The following MLIP variants were observed in gnomAD, a reference collection of about 807,000 sequenced individuals.
MLIP encodes the protein muscular LMNA interacting protein.
Under a neutral mutation model 84.8 loss-of-function variants are expected in MLIP, and 79 were observed. The ratio of observed to expected loss-of-function variants is 0.93; its 90% CI spans 0.78 to 1.12. The LOEUF (loss-of-function observed/expected upper bound fraction) is 1.12. MLIP is among the 50% of genes most tolerant of loss of function. The pLI is 0.00. For missense variants in MLIP, 1,257 were observed against 1,160.6 expected (o/e 1.08, Z -1.21); for synonymous variants, 504 against 463.0 (o/e 1.09, Z -1.14).
chr6:54,035,240 T>G (rs1268884519), intron 1 of MLIP, among the ~76,000 whole-genome samples: 2 of 152,238 alleles, frequency 1.3e-5, no homozygotes, highest in Admixed American at 1.3e-4. Flanking sequence ...CATTTTTGGC[T>G]TTTTTTGACT....
intron 4 of MLIP, among the ~76,000 whole-genome samples, chr6:54,143,769 T>C (rs2082777992): frequency 6.6e-6 from 1 of 152,194 alleles, no homozygotes; most frequent in African/African-American, 2.4e-5. Context: ...TGAATCTTAT[T>C]GTAATTTTCA....
intron 5 of MLIP, among the ~76,000 whole-genome samples, chr6:54,149,692 A>G (rs555142703): frequency 6.6e-6 from 1 of 152,150 alleles, no homozygotes; most frequent in Admixed American, 6.6e-5. Context: ...TACTTTCATG[A>G]ACAGAAGGGA....
intron 1 of MLIP, among the ~76,000 whole-genome samples, chr6:54,093,641 G>A (rs1339892138): frequency 6.6e-6 from 1 of 152,086 alleles, no homozygotes; most frequent in African/African-American, 2.4e-5. Flanking sequence ...ATGATTTATG[G>A]CTAGTCCAGA....
chr6:54,251,471 TCTCTCC>T, intron 12 of MLIP, among the ~76,000 whole-genome samples: 1 of 130,608 alleles, frequency 7.7e-6, no homozygotes, highest in Admixed American at 8.1e-5. Context: ...TATATATCTG[TCTCTCC>T]ATATGAGACA....
chr6:54,100,648 C>T (rs1768575789), intron 1 of MLIP, among the ~76,000 whole-genome samples: 1 of 152,018 alleles, frequency 6.6e-6, no homozygotes, highest in Admixed American at 6.6e-5. Context: ...TCTACTATTC[C>T]TTTATACTTG....
Position 54,216,201 on chromosome 6 carries a change from A to G in MLIP, c.2718+13968A>G, listed in dbSNP as rs556872539. On this transcript the variant is annotated intron_variant, in intron 11 of 13. Transcript: ENST00000502396. ...TATCATTTCCTTTAGAATCACTTCA[A>G]TTTTGGAAGAAAGAGGTTGATTTCC... The G allele has an allele frequency of 1.1e-5, 11 of 985,326 alleles. No individual in the cohort carries two copies. In the South Asian group the frequency reaches 5.2e-4, roughly 46 times the overall value. The allele number at this position is 985,326 out of a possible 1,614,324, so 61.0% of individuals were successfully genotyped here. A position where few individuals can be genotyped will look rare whatever the true frequency, so the allele number is the denominator to read the frequency against.
intron 13 of MLIP, among the ~76,000 whole-genome samples, chr6:54,259,136 A>G (rs980110982): frequency 1.3e-5 from 2 of 151,600 alleles, no homozygotes; most frequent in African/African-American, 4.8e-5. Flanking sequence ...TTGTTTTTGC[A>G]TTATCTTATG....
intron 1 of MLIP, among the ~76,000 whole-genome samples, chr6:54,061,138 C>T (rs1765943138): frequency 6.6e-6 from 1 of 152,066 alleles, no homozygotes; most frequent in South Asian, 2.1e-4. Context: ...CAGTAACCAA[C>T]AATTTGTTAA....
chr6:54,252,582 A>T (rs1782714975), intron 12 of MLIP, among the ~76,000 whole-genome samples: 2 of 148,648 alleles, frequency 1.3e-5, no homozygotes, highest in Non-Finnish European at 3.0e-5. Context: ...TATGTATATA[A>T]TCATGATTAT....
intron 1 of MLIP, among the ~76,000 whole-genome samples, chr6:54,030,436 G>T (rs1365381776): frequency 6.6e-6 from 1 of 152,154 alleles, no homozygotes. Flanking sequence ...TTTGTAGGAG[G>T]TAAAGAATAT....
intron 13 of MLIP, among the ~76,000 whole-genome samples, chr6:54,263,584 T>C (rs1439161262): frequency 6.6e-6 from 1 of 152,080 alleles, no homozygotes; most frequent in East Asian, 1.9e-4. Flanking sequence ...GTAAAGAATA[T>C]GCATATTTGA....
intron 5 of MLIP, among the ~76,000 whole-genome samples, chr6:54,157,382 T>C (rs1404585253): frequency 6.6e-6 from 1 of 152,096 alleles, no homozygotes; most frequent in Non-Finnish European, 1.5e-5. Flanking sequence ...GCAGATAAGG[T>C]CCTCTAGCCA....
chr6:54,089,092 G>A (rs1767689426), intron 1 of MLIP, among the ~76,000 whole-genome samples: 1 of 152,082 alleles, frequency 6.6e-6, no homozygotes, highest in Non-Finnish European at 1.5e-5. Context: ...TACAACATTA[G>A]CCTCTTTCTT....
chr6:54,247,756 C>G (rs1443822881), intron 12 of MLIP, among the ~76,000 whole-genome samples: 3 of 152,178 alleles, frequency 2.0e-5, no homozygotes, highest in Admixed American at 2.0e-4. Context: ...GCCTGCCAAC[C>G]AACCACATAC....
At chr6:54,183,554 A>G (rs1777094062) in intron 9 of MLIP, among the ~76,000 whole-genome samples, 2 of 152,042 alleles carry the variant, frequency 1.3e-5, no homozygotes, top group South Asian at 4.2e-4. Context: ...ATAAACTATG[A>G]CTTTTACTGA....
chr6:54,094,282 A>T (rs112067207), intron 1 of MLIP, among the ~76,000 whole-genome samples: 3,676 of 16,704 alleles, frequency 0.22, 98 homozygotes, highest in Middle Eastern at 0.39. Flanking sequence ...GCTGTAAGAT[A>T]AAAAAAAAAA....
intron 1 of MLIP, among the ~76,000 whole-genome samples, chr6:54,117,211 CTTTTTTTT>C (rs200691416): frequency 3.4e-5 from 4 of 117,820 alleles, no homozygotes; most frequent in Non-Finnish European, 5.2e-5. Context: ...CTATTTCTGT[CTTTTTTTT>C]TTTTTTTTTT....
intron 1 of MLIP, among the ~76,000 whole-genome samples, chr6:54,024,714 C>G (rs944437613): frequency 1.3e-5 from 2 of 152,110 alleles, no homozygotes; most frequent in African/African-American, 4.8e-5. Context: ...AGTGTACAAA[C>G]CATTGACACC....
intron 10 of MLIP, among the ~76,000 whole-genome samples, chr6:54,196,184 T>A (rs909167677): frequency 2.0e-5 from 3 of 152,038 alleles, no homozygotes; most frequent in South Asian, 2.1e-4. Context: ...CACCTTTTTT[T>A]AAAAAAAAGA....
Sources: allele counts gnomAD v4.1 joint callset (sites outside exome capture counted in the v4.1 genomes callset), GRCh38; gene constraint gnomAD v4.1.1; transcripts MANE v1.5; gene names NCBI Gene and HGNC (gene_info 2026-07-23, HGNC 2026-07-21).